The following TGFBR3 variants were observed in gnomAD, a reference collection of about 807,000 sequenced individuals.
TGFBR3 encodes transforming growth factor beta receptor 3, also known as transforming growth factor beta receptor type 3.
In TGFBR3, 46 loss-of-function variants were observed where a neutral mutation model predicts 87.9. That is an observed-to-expected ratio of 0.52 (90% confidence interval 0.41 to 0.67). The LOEUF (loss-of-function observed/expected upper bound fraction) is 0.67, where lower values mean the gene tolerates loss of function less well. TGFBR3 is among the 30% of genes least tolerant of loss of function. The probability of loss-of-function intolerance (pLI) is 0.00; values close to 1 mark genes in which losing one functional copy is unlikely to be tolerated. For missense variants in TGFBR3, 866 were observed against 1,041.9 expected, an observed-to-expected ratio of 0.83 and a Z score of 2.32; for synonymous variants, 381 against 391.6, an observed-to-expected ratio of 0.97 and a Z score of 0.32.
At chr1:91,904,847 T>C (rs61779081) in intron 1 of TGFBR3, among the ~76,000 whole-genome samples, 21 of 152,030 alleles carry the variant, frequency 1.4e-4, no homozygotes, top group Admixed American at 5.9e-4. Flanking sequence ...ACTATAGGCA[T>C]GAGCCACCGC....
rs1458014644 is a variant in TGFBR3 at position 91,716,725 on chromosome 1, G to A, written c.1567-17C>T. 1 of 1,613,978 alleles carries A rather than the reference G, an allele frequency of 6.2e-7. No homozygotes were observed. Among genetic ancestry groups the A allele is most frequent in the Non-Finnish European group, 8.5e-7 (1 of 1,179,990 alleles). On this transcript the variant is annotated splice_polypyrimidine_tract_variant and intron_variant, in intron 10 of 16. Coordinates refer to ENST00000212355, the MANE Select transcript of TGFBR3 (RefSeq NM_003243.5). The stretch of plus-strand genomic sequence containing the variant: ...TATCACAATCTAAAAGGCAAAGAAA[G>A]CACAGCCAATGTTATAAAAACACCA...
chr1:91,901,956 C>T (rs1334231377), intron 1 of TGFBR3, among the ~76,000 whole-genome samples: 2 of 116,362 alleles, frequency 1.7e-5, no homozygotes, highest in East Asian at 2.5e-4. Context: ...AAAAAAAAAA[C>T]GGTATGTGTT....
At chr1:91,886,855 C>A (rs1357370043), upstream of TGFBR3, among the ~76,000 whole-genome samples, 2 of 151,930 alleles carry the variant, frequency 1.3e-5, no homozygotes, top group Non-Finnish European at 2.9e-5. Flanking sequence ...ACCGGCGTTA[C>A]CCGGAGGTGG....
chr1:91,852,224 C>T (rs1677763538), intron 2 of TGFBR3, among the ~76,000 whole-genome samples: 1 of 151,542 alleles, frequency 6.6e-6, no homozygotes, highest in Non-Finnish European at 1.5e-5. Context: ...CCAGCCTGGG[C>T]AACAGAGTGA....
intron 16 of TGFBR3, among the ~76,000 whole-genome samples, chr1:91,686,266 C>G (rs115255978): frequency 6.6e-6 from 1 of 152,180 alleles, no homozygotes; most frequent in Non-Finnish European, 1.5e-5. Context: ...TATTTTCATC[C>G]GTGCCCATTA....
At chr1:91,825,036 A>G (rs1297006435) in intron 2 of TGFBR3, among the ~76,000 whole-genome samples, 1 of 152,204 alleles carries the variant, frequency 6.6e-6, no homozygotes, top group African/African-American at 2.4e-5. Flanking sequence ...ACACAGAGTA[A>G]CCATATGACC....
At chr1:91,816,289 A>G (rs1026074521) in intron 2 of TGFBR3, among the ~76,000 whole-genome samples, 1 of 152,216 alleles carries the variant, frequency 6.6e-6, no homozygotes, top group African/African-American at 2.4e-5. Flanking sequence ...ATCAGAAACT[A>G]CCAGAGGCCA....
chr1:91,841,594 A>G (rs1287493759), intron 2 of TGFBR3, among the ~76,000 whole-genome samples: 1 of 146,046 alleles, frequency 6.8e-6, no homozygotes. Flanking sequence ...GGAGTTCAAG[A>G]CCAGCCTGAC....
intron 2 of TGFBR3, among the ~76,000 whole-genome samples, chr1:91,844,663 G>A (rs992792180): frequency 9.2e-5 from 14 of 152,216 alleles, no homozygotes; most frequent in African/African-American, 2.4e-4. Context: ...TCTTTTTGAG[G>A]AAAATCATTT....
At chr1:91,777,252 GTGTCACAGGC>G (rs538471036) in intron 3 of TGFBR3, among the ~76,000 whole-genome samples, 127 of 152,294 alleles carry the variant, frequency 8.3e-4, no homozygotes, top group Non-Finnish European at 1.5e-3. Context: ...GCCCCTTCCA[GTGTCACAGGC>G]TGTCACAATT....
At chr1:91,873,301 T>C (rs1011776020) in intron 1 of TGFBR3, among the ~76,000 whole-genome samples, 4 of 148,042 alleles carry the variant, frequency 2.7e-5, no homozygotes, top group Admixed American at 6.7e-5. Flanking sequence ...TTTTTTTTTT[T>C]TGAGATGGAG....
chr1:91,733,832 C>T (rs547318219), intron 5 of TGFBR3, among the ~76,000 whole-genome samples: 1 of 152,206 alleles, frequency 6.6e-6, no homozygotes, highest in African/African-American at 2.4e-5. Flanking sequence ...ACCAGCAGTT[C>T]AAAACCAGCC....
In TGFBR3 at chr1:91,773,660, C is replaced by T. The variant is rs983206114; in HGVS notation, c.247-14910G>A. Among the ~76,000 whole-genome samples, 18 of 152,230 alleles carry T rather than the reference C, an allele frequency of 1.2e-4. No homozygotes were observed. The East Asian group carries it at 3.5e-3, about 29-fold the overall frequency. ...TCGCGCCACTGCACTCCAGTCTGGG[C>T]AACAGAGCAAGACTCCATCTCAAAA... is the stretch of plus-strand genomic sequence containing the variant. On this transcript the variant is annotated intron_variant, in intron 3 of 16. Coordinates refer to ENST00000212355, the MANE Select transcript of TGFBR3 (RefSeq NM_003243.5).
At chr1:91,897,722 C>T (rs942317380) in intron 2 of TGFBR3, among the ~76,000 whole-genome samples, 2 of 152,110 alleles carry the variant, frequency 1.3e-5, no homozygotes, top group East Asian at 3.9e-4. Context: ...CACAACATAC[C>T]AAATCCAGGC....
Position 91,896,132 on chromosome 1 carries a change from C to A in TGFBR3, c.-114+3505G>T, listed in dbSNP as rs12042031. 8.1e-4 allele frequency among the ~76,000 whole-genome samples: 124 copies of A among 152,288 alleles called. No homozygotes were observed. In the East Asian group the frequency reaches 0.023, roughly 28 times the overall value. ...TGTACAGGTCTCATTAGTGAAGAAA[C>A]CTGATCCTTCCTTAAAGCAGGCTCC... On this transcript the variant is annotated intron_variant, in intron 2 of 17. Transcript: ENST00000370399.
intron 4 of TGFBR3, among the ~76,000 whole-genome samples, chr1:91,748,318 C>T (rs1673417202): frequency 6.6e-6 from 1 of 152,162 alleles, no homozygotes; most frequent in Admixed American, 6.5e-5. Context: ...ACATATTTAG[C>T]ATCAATTAAC....
At chr1:91,691,640 C>T (rs1671269362) in intron 16 of TGFBR3, among the ~76,000 whole-genome samples, 1 of 152,194 alleles carries the variant, frequency 6.6e-6, no homozygotes, top group African/African-American at 2.4e-5. Context: ...AGATACATGA[C>T]ACAGGACATC....
At chr1:91,722,927 C>A (rs963103146) in intron 7 of TGFBR3, among the ~76,000 whole-genome samples, 1 of 152,140 alleles carries the variant, frequency 6.6e-6, no homozygotes, top group African/African-American at 2.4e-5. Flanking sequence ...ACTGACTGAA[C>A]CATATTATAT....
intron 3 of TGFBR3, among the ~76,000 whole-genome samples, chr1:91,793,805 CAAAAAAAAAAA>C (rs57943201): frequency 6.1e-5 from 6 of 99,056 alleles, no homozygotes; most frequent in Non-Finnish European, 8.2e-5. Flanking sequence ...GACTCTGTCT[CAAAAAAAAAAA>C]AAAAAAAAAA....
Sources: allele counts gnomAD v4.1 joint callset (sites outside exome capture counted in the v4.1 genomes callset), GRCh38; gene constraint gnomAD v4.1.1; transcripts MANE v1.5; gene names NCBI Gene and HGNC (gene_info 2026-07-23, HGNC 2026-07-21).